The following MAPK14 variants were observed in gnomAD, a reference collection of about 807,000 sequenced individuals.
The protein encoded by MAPK14 is CSAID-binding protein.
MAPK14 carries 16 observed loss-of-function variants against 49.6 expected under a neutral mutation model. The observed-to-expected ratio is 0.32, with a 90% confidence interval of 0.22 to 0.49. The LOEUF (loss-of-function observed/expected upper bound fraction) is 0.49, where lower values mean the gene tolerates loss of function less well. Ranked by LOEUF, MAPK14 falls within the 20% of genes least tolerant of loss-of-function variation. MAPK14 has a pLI of 0.99. For synonymous variants in MAPK14, 142 were observed against 158.0 expected (o/e 0.90, Z 0.76); for missense variants, 200 against 441.2 (o/e 0.45, Z 4.90).
intron 8 of MAPK14, among the ~76,000 whole-genome samples, chr6:36,084,057 C>A (rs981451518): frequency 2.6e-5 from 4 of 152,150 alleles, no homozygotes; most frequent in African/African-American, 9.7e-5. Context: ...CAGGAGGGAC[C>A]CAGGCAAAGA....
At chr6:36,108,059 T>C (rs1765851749) in intron 11 of MAPK14, among the ~76,000 whole-genome samples, 1 of 152,224 alleles carries the variant, frequency 6.6e-6, no homozygotes, top group Non-Finnish European at 1.5e-5. Context: ...TTCAGAACTC[T>C]AGTTAAATCC....
intron 8 of MAPK14, among the ~76,000 whole-genome samples, chr6:36,089,618 C>A (rs1434305148): frequency 6.6e-6 from 1 of 152,084 alleles, no homozygotes; most frequent in Non-Finnish European, 1.5e-5. Context: ...AGAAATTATT[C>A]TTGTTTGTGA....
intron 10 of MAPK14, 84 bp downstream of exon 10, chr6:36,102,733 T>A (rs770580591): frequency 6.3e-7 from 1 of 1,594,794 alleles, no homozygotes; most frequent in Admixed American, 1.8e-5. Flanking sequence ...TTTCTCCTTT[T>A]GACCAAATAA....
chr6:36,106,995 TTTGACA>T (rs993709464), intron 10 of MAPK14, among the ~76,000 whole-genome samples: 61 of 152,220 alleles, frequency 4.0e-4, no homozygotes, highest in African/African-American at 1.3e-3. Flanking sequence ...CTGGTAGCAG[TTTGACA>T]TTGACGGTCC....
intron 4 of MAPK14, 97 bp downstream of exon 4, chr6:36,073,081 A>C: frequency 1.3e-6 from 1 of 779,932 alleles, no homozygotes; most frequent in Non-Finnish European, 2.2e-6. Flanking sequence ...TTTCTAATGG[A>C]AAATTCAAAC....
chr6:36,075,984 T>C (rs987744882), intron 7 of MAPK14, 22 bp downstream of exon 7: 1 of 1,613,098 alleles, frequency 6.2e-7, no homozygotes. Flanking sequence ...CTTGGTTATT[T>C]AGGGCCTTAT....
chr6:36,039,796 G>A (rs143117420), intron 1 of MAPK14, among the ~76,000 whole-genome samples: 1 of 152,078 alleles, frequency 6.6e-6, no homozygotes, highest in African/African-American at 2.4e-5. Flanking sequence ...CTTGAGGTCA[G>A]GAGTTTGAGA....
At chr6:36,104,481 G>A (rs1262604625) in intron 10 of MAPK14, among the ~76,000 whole-genome samples, 2 of 151,878 alleles carry the variant, frequency 1.3e-5, no homozygotes, top group African/African-American at 4.8e-5. Flanking sequence ...TCCACCTCCC[G>A]GCTTTAAGTG....
At chr6:36,083,082 A>G (rs1406805200) in intron 8 of MAPK14, among the ~76,000 whole-genome samples, 2 of 152,220 alleles carry the variant, frequency 1.3e-5, no homozygotes, top group African/African-American at 4.8e-5. Context: ...AATAGCTGCA[A>G]TCAGAGGCTT....
At chr6:36,064,161 A>G (rs574053962) in intron 3 of MAPK14, among the ~76,000 whole-genome samples, 2 of 151,640 alleles carry the variant, frequency 1.3e-5, no homozygotes, top group East Asian at 3.9e-4. Flanking sequence ...ATTTTTTTGT[A>G]AAGACAAGGC....
intron 1 of MAPK14, among the ~76,000 whole-genome samples, chr6:36,045,365 T>C (rs1329694104): frequency 6.6e-6 from 1 of 152,162 alleles, no homozygotes; most frequent in Non-Finnish European, 1.5e-5. Context: ...ATTACAGGAA[T>C]AATTATGCCT....
At chr6:36,114,235 A>G (rs1766022000), downstream of MAPK14, among the ~76,000 whole-genome samples, 1 of 152,120 alleles carries the variant, frequency 6.6e-6, no homozygotes, top group Non-Finnish European at 1.5e-5. Flanking sequence ...CATGAATCTA[A>G]CACTTCATCC....
intron 9 of MAPK14, 23 bp from the exon 10 acceptor site, chr6:36,102,548 T>C: frequency 6.3e-7 from 1 of 1,589,292 alleles, no homozygotes; most frequent in Non-Finnish European, 8.6e-7. Context: ...ACAAAGTCAT[T>C]CTGAAAACCC....
Position 36,093,100 on chromosome 6 carries a change from A to C in MAPK14, c.683-2887A>C, listed in dbSNP as rs772895995. Among the ~76,000 whole-genome samples, 222 of 152,190 alleles carry C rather than the reference A, an allele frequency of 1.5e-3. 3 individuals are homozygous for C. The highest frequency in any genetic ancestry group is 3.0e-3 in the Admixed American group (46 of 15,284). On this transcript the variant is annotated intron_variant, in intron 8 of 11. Coordinates refer to ENST00000229794, the MANE Select transcript of MAPK14 (RefSeq NM_139012.3). ...ATAGGAATAGAAAAGGCTTGGAAGGACGGGAGAAGGGGGAGGTATTCTGGT... is the reference window on the plus strand; with the variant it reads ...ATAGGAATAGAAAAGGCTTGGAAGGCCGGGAGAAGGGGGAGGTATTCTGGT...
chr6:36,123,260 G>A, the MAPK14 span, among the ~76,000 whole-genome samples: 2 of 152,178 alleles, frequency 1.3e-5, no homozygotes, highest in Non-Finnish European at 2.9e-5. Flanking sequence ...TTCGTGGCAA[G>A]AGAAGAGGCC....
intron 8 of MAPK14, among the ~76,000 whole-genome samples, chr6:36,089,502 A>G (rs1291244146): frequency 2.0e-5 from 3 of 152,232 alleles, no homozygotes; most frequent in Non-Finnish European, 4.4e-5. Context: ...TACCTATGTA[A>G]CAAACCTGCA....
chr6:36,058,620 T>C (rs1215174164), intron 2 of MAPK14, among the ~76,000 whole-genome samples: 1 of 152,176 alleles, frequency 6.6e-6, no homozygotes, highest in Non-Finnish European at 1.5e-5. Context: ...GAGACGTGGC[T>C]GGCCGTGGTG....
intron 1 of MAPK14, among the ~76,000 whole-genome samples, chr6:36,051,787 G>A (rs1461122624): frequency 6.6e-6 from 1 of 152,038 alleles, no homozygotes. Flanking sequence ...ATTTCATAGG[G>A]GATTCGGGGA....
intron 3 of MAPK14, among the ~76,000 whole-genome samples, chr6:36,064,017 C>T (rs1012995186): frequency 6.6e-6 from 1 of 152,032 alleles, no homozygotes; most frequent in African/African-American, 2.4e-5. Flanking sequence ...TTGAACCTAA[C>T]ACCAGAGCAA....
Sources: allele counts gnomAD v4.1 joint callset (sites outside exome capture counted in the v4.1 genomes callset), GRCh38; gene constraint gnomAD v4.1.1; transcripts MANE v1.5; gene names NCBI Gene and HGNC (gene_info 2026-07-23, HGNC 2026-07-21).